The following HERC1 variants were observed in gnomAD, a reference collection of about 807,000 sequenced individuals.
The protein encoded by HERC1 is probable E3 ubiquitin-protein ligase HERC1.
In HERC1, 160 loss-of-function variants were observed where a neutral mutation model predicts 554.3. That is an observed-to-expected ratio of 0.29 (90% CI 0.25 to 0.33). HERC1 has a LOEUF of 0.33. HERC1 is among the 10% of genes least tolerant of loss of function. The pLI is 1.00. For missense variants in HERC1, 4,919 were observed against 5,918.5 expected (o/e 0.83, Z 5.54); for synonymous variants, 2,175 against 2,131.7 (o/e 1.02, Z -0.56).
intron 74 of HERC1, among the ~76,000 whole-genome samples, chr15:63,617,744 T>C (rs1026399727): frequency 6.6e-6 from 1 of 152,222 alleles, no homozygotes; most frequent in African/African-American, 2.4e-5. Context: ...TTGATTTGCA[T>C]TTCTCTGATG....
chr15:63,790,857 T>C (rs1056445671), intron 1 of HERC1, among the ~76,000 whole-genome samples: 4 of 151,944 alleles, frequency 2.6e-5, no homozygotes, highest in Admixed American at 2.0e-4. Context: ...AAAAAGTTTG[T>C]ATGACCATAT....
intron 53 of HERC1, 65 bp downstream of exon 53, chr15:63,651,185 CAGA>C: frequency 6.9e-7 from 1 of 1,455,864 alleles, no homozygotes; most frequent in East Asian, 2.3e-5. Flanking sequence ...TGTTTGGACT[CAGA>C]AGACTAAGAA....
chr15:63,791,634 G>A (rs559149479), intron 1 of HERC1, among the ~76,000 whole-genome samples: 3 of 152,152 alleles, frequency 2.0e-5, no homozygotes, highest in South Asian at 2.1e-4. Flanking sequence ...ACAATTCTTC[G>A]AGGGAGTTCA....
Position 63,729,372 on chromosome 15 carries a change from A to C in HERC1, c.3022-4T>G. Reference sequence around the variant, plus strand: ...GCAATGCCACACTGCTTGAGTTCTAAGAAGAAAAAAAGTTCCTAAATTACT... The same window carrying C: ...GCAATGCCACACTGCTTGAGTTCTACGAAGAAAAAAAGTTCCTAAATTACT... On this transcript the variant is annotated splice_polypyrimidine_tract_variant and splice_region_variant and intron_variant, in intron 15 of 77. Coordinates refer to ENST00000443617, the MANE Select transcript of HERC1 (RefSeq NM_003922.4). The C allele has an allele frequency of 6.3e-7, 1 of 1,594,740 alleles. No homozygotes were observed.
At chr15:63,712,940 T>C in intron 23 of HERC1, 45 bp from the exon 24 acceptor site, 3 of 1,558,172 alleles carry the variant, frequency 1.9e-6, no homozygotes, top group African/African-American at 1.4e-5. Flanking sequence ...TTTAGGACTG[T>C]TAGTGAACAT....
chr15:63,696,964 A>T (rs1346635831), intron 26 of HERC1, among the ~76,000 whole-genome samples: 11 of 151,754 alleles, frequency 7.2e-5, no homozygotes, highest in Non-Finnish European at 1.6e-4. Context: ...ATTTTGAAAT[A>T]ATTTTAGATA....
chr15:63,676,479 G>A (rs540880993), intron 37 of HERC1, among the ~76,000 whole-genome samples: 27 of 152,268 alleles, frequency 1.8e-4, no homozygotes, highest in Admixed American at 8.5e-4. Context: ...TGTTCCGGCC[G>A]AGCGTGGTGG....
chr15:63,675,019 G>A lies in HERC1; in HGVS notation c.7169C>T (p.Ala2390Val). 6.2e-7 allele frequency: 1 copy of A among 1,614,020 alleles called. No homozygotes were observed. The highest frequency in any genetic ancestry group is 8.5e-7 in the Non-Finnish European group (1 of 1,179,880). The change falls in exon 38 of 78, where the codon GCT becomes GTT. Residue 2390 changes from alanine to valine, a missense_variant. Coordinates refer to ENST00000443617, the MANE Select transcript of HERC1 (RefSeq NM_003922.4). Reference protein sequence around the residue: ...FDVARFRGLTASVLLDLTYLT... With the variant: ...FDVARFRGLTVSVLLDLTYLT... ...ATATGTTAGGTCCAGCAGCACAGAA[G>A]CCGTCAGGCCTCGGAATCGCGCCAC... is the stretch of plus-strand genomic sequence containing the variant.
intron 1 of HERC1, among the ~76,000 whole-genome samples, chr15:63,806,354 T>C (rs1014805052): frequency 1.1e-4 from 16 of 152,134 alleles, no homozygotes; most frequent in Admixed American, 7.9e-4. Flanking sequence ...ATCTCAAAGG[T>C]GACTTCTTCC....
chr15:63,628,937 A>T, intron 69 of HERC1, 122 bp from the exon 70 acceptor site: 1 of 898,748 alleles, frequency 1.1e-6, no homozygotes, highest in Non-Finnish European at 1.7e-6. Flanking sequence ...ATGCATCAGC[A>T]TCAATAAAAC....
At chr15:63,686,236 C>T (rs990349859) in intron 34 of HERC1, 123 bp downstream of exon 34, 9 of 672,004 alleles carry the variant, frequency 1.3e-5, no homozygotes, top group Non-Finnish European at 2.2e-5. Context: ...TATTATCTTA[C>T]ATAATAATAG....
In HERC1 at chr15:63,645,465, T is replaced by A. The variant is rs756900880; in HGVS notation, c.11078+18A>T. The stretch of plus-strand genomic sequence containing the variant: ...CAATATAAAAACTAAGACGTATAGA[T>A]GCAAATTGACAACATACGTAGCCAT... On this transcript the variant is annotated intron_variant, in intron 56 of 77. Transcript: ENST00000443617. The A allele has an allele frequency of 6.9e-6, 11 of 1,587,526 alleles. 1 individual carries two copies. In the South Asian group the frequency reaches 1.3e-4, roughly 18 times the overall value.
At chr15:63,744,204 C>CTCTCTCTCTCTCTCTGT (rs1363103399) in intron 12 of HERC1, among the ~76,000 whole-genome samples, 1 of 148,432 alleles carries the variant, frequency 6.7e-6, no homozygotes, top group Non-Finnish European at 1.5e-5. Context: ...CTCTGTCTCT[C>CTCTCTCTCTCTCTCTGT]CTCAGCCACC....
chr15:63,774,861 C>A lies in HERC1; in HGVS notation c.763G>T (p.Ala255Ser). 1 of 1,613,956 alleles carries A rather than the reference C, an allele frequency of 6.2e-7. No individual in the cohort carries two copies. Among genetic ancestry groups the A allele is most frequent in the Non-Finnish European group, 8.5e-7 (1 of 1,179,882 alleles). The change falls in exon 2 of 78, where the codon GCA becomes TCA. Residue 255 changes from alanine to serine, a missense_variant. Transcript: ENST00000443617. Reference sequence around the variant, plus strand: ...TATCGCAATGAGCCTCGTTGAGCTGCCAAACCAAGCAGCAACTCAGAAGCT... The same window carrying A: ...TATCGCAATGAGCCTCGTTGAGCTGACAAACCAAGCAGCAACTCAGAAGCT... ...RLASELLLGLAAQRGSLRYLL... is the reference protein window; with the variant it reads ...RLASELLLGLSAQRGSLRYLL...
intron 2 of HERC1, 107 bp from the exon 3 acceptor site, chr15:63,764,298 A>G (rs997920127): frequency 5.5e-6 from 4 of 729,542 alleles, no homozygotes; most frequent in African/African-American, 3.5e-5. Context: ...ACCTGTTTAT[A>G]TAATTATGTG....
intron 68 of HERC1, among the ~76,000 whole-genome samples, chr15:63,631,738 G>A (rs536070966): frequency 6.6e-5 from 10 of 152,080 alleles, no homozygotes; most frequent in East Asian, 3.9e-4. Flanking sequence ...ACGGCGTTTC[G>A]CCATGTTGGC....
intron 1 of HERC1, among the ~76,000 whole-genome samples, chr15:63,777,869 G>C (rs1017490904): frequency 2.0e-5 from 3 of 151,892 alleles, no homozygotes; most frequent in Non-Finnish European, 4.4e-5. Flanking sequence ...AGTCCATCTG[G>C]AATTAAAATA....
intron 68 of HERC1, among the ~76,000 whole-genome samples, chr15:63,631,187 T>C (rs935230184): frequency 5.3e-5 from 8 of 152,196 alleles, no homozygotes; most frequent in Non-Finnish European, 1.5e-5. Context: ...TCATTCAACT[T>C]GTCTTGTCCT....
intron 16 of HERC1, among the ~76,000 whole-genome samples, chr15:63,728,475 T>C (rs2074126951): frequency 6.6e-6 from 1 of 152,192 alleles, no homozygotes; most frequent in African/African-American, 2.4e-5. Flanking sequence ...AGGTATCTAA[T>C]GAGGAAAGGT....
Sources: gnomAD v4.1 joint callset for allele counts (sites outside exome capture counted in the v4.1 genomes callset) on GRCh38, gnomAD v4.1.1 for gene constraint, MANE v1.5 for transcripts, NCBI Gene and HGNC (gene_info 2026-07-23, HGNC 2026-07-21) for gene names.